The following DAG1 variants were observed in gnomAD, a reference collection of about 807,000 sequenced individuals.
DAG1 encodes dystroglycan 1.
In DAG1, 8 loss-of-function variants were observed where a neutral mutation model predicts 46.1. The ratio of observed to expected loss-of-function variants is 0.17; its 90% CI spans 0.10 to 0.31. DAG1 has a LOEUF of 0.31. DAG1 is among the 10% of genes least tolerant of loss of function. The probability of loss-of-function intolerance (pLI) is 1.00; values close to 1 mark genes in which losing one functional copy is unlikely to be tolerated. For synonymous variants in DAG1, 495 were observed against 481.8 expected (o/e 1.03, Z -0.36); for missense variants, 1,003 against 1,189.9 (o/e 0.84, Z 2.31).
chr3:49,525,701 GGC>G (rs2051151677), intron 2 of DAG1, among the ~76,000 whole-genome samples: 1 of 151,904 alleles, frequency 6.6e-6, no homozygotes, highest in Middle Eastern at 3.2e-3. Flanking sequence ...TGGGACTACA[GGC>G]GCCCGCCACC....
intron 2 of DAG1, among the ~76,000 whole-genome samples, chr3:49,512,448 A>T (rs951857539): frequency 6.6e-6 from 1 of 151,532 alleles, no homozygotes; most frequent in African/African-American, 2.4e-5. Context: ...CTGGAATGCA[A>T]TGACACAATC....
rs1462563388 is a variant in DAG1 at position 49,533,041 on chromosome 3, C to G, written c.2530C>G (p.Gln844Glu). 1 of 1,614,180 alleles carries G rather than the reference C, an allele frequency of 6.2e-7. No homozygotes were observed. The highest frequency in any genetic ancestry group is 1.7e-5 in the Admixed American group (1 of 60,028). The change falls in exon 3 of 3, where the codon CAG becomes GAG. Residue 844 changes from glutamine to glutamate, a missense_variant. Coordinates refer to ENST00000308775, the MANE Select transcript of DAG1 (RefSeq NM_004393.6). ...TGTGCCCGAGACCACTCCTCTGAAC[C>G]AGGACACCATGGGAGAGTACACGCC... ...QSVPETTPLN[Q>E]DTMGEYTPLR...
intron 2 of DAG1, among the ~76,000 whole-genome samples, chr3:49,525,813 C>T (rs1318438281): frequency 6.6e-6 from 1 of 151,710 alleles, no homozygotes; most frequent in African/African-American, 2.4e-5. Flanking sequence ...CTGCCTCAGC[C>T]TCCCAAAGTG....
rs371179459 is a variant in DAG1 at position 49,522,071 on chromosome 3, C to G, written c.286-8726C>G. Among the ~76,000 whole-genome samples, 170 of 151,994 alleles carry G rather than the reference C, an allele frequency of 1.1e-3. 7 individuals carry two copies. In the South Asian group the frequency reaches 0.035, roughly 31 times the overall value. On this transcript the variant is annotated intron_variant, in intron 2 of 2. Transcript: ENST00000308775. ...TGAGACAAAGTCTCACTCTTGTCCC[C>G]CAGGCTGGAGTGCAATGGTGTGATC...
chr3:49,480,282 T>G (rs2049838361), intron 1 of DAG1, among the ~76,000 whole-genome samples: 1 of 143,020 alleles, frequency 7.0e-6, no homozygotes, highest in East Asian at 2.0e-4. Context: ...TTTTTTTTTT[T>G]TTTTTGGGAG....
Position 49,533,075 on chromosome 3 carries a change from A to G in DAG1, c.2564A>G (p.Asp855Gly). Residue 855 changes from aspartate (D) to glycine (G), a missense_variant, in exon 3 of 3, where the codon GAT becomes GGT. This residue lies in a region of DAG1 where 755 missense variants were observed against 854.1 expected (regional missense o/e 0.88). Coordinates refer to ENST00000308775, the MANE Select transcript of DAG1 (RefSeq NM_004393.6). Reference sequence around the variant, plus strand: ...ATGGGAGAGTACACGCCCCTGCGGGATGAGGATCCCAATGCGCCTCCCTAC... The same window carrying G: ...ATGGGAGAGTACACGCCCCTGCGGGGTGAGGATCCCAATGCGCCTCCCTAC... ...DTMGEYTPLRDEDPNAPPYQP... is the reference protein window; with the variant it reads ...DTMGEYTPLRGEDPNAPPYQP... 1 of 1,614,028 alleles carries G rather than the reference A, an allele frequency of 6.2e-7. No individual in the cohort carries two copies. The highest frequency in any genetic ancestry group is 8.5e-7 in the Non-Finnish European group (1 of 1,179,974).
chr3:49,528,275 ATT>A lies in DAG1; in HGVS notation c.286-2496_286-2495del, dbSNP rs147292984. Among the ~76,000 whole-genome samples, 249 of 66,612 alleles carry A rather than the reference ATT, an allele frequency of 3.7e-3. 3 individuals are homozygous for A. The highest frequency in any genetic ancestry group is 0.015 in the African/African-American group (221 of 14,506). The allele number at this position is 66,612 out of a possible 152,430, so 43.7% of individuals were successfully genotyped here. ...CAGCCAAAACATTTGAAATAGTGTG[ATT>A]TTTTTTTTTTTTTTTTTTTTTTTTT... On this transcript the variant is annotated intron_variant, in intron 2 of 2. Coordinates refer to ENST00000308775, the MANE Select transcript of DAG1 (RefSeq NM_004393.6).
At chr3:49,528,275 A>ATTTTGTTTTTTTTTTTTTTT (rs2051239613) in intron 2 of DAG1, among the ~76,000 whole-genome samples, 1 of 66,660 alleles carries the variant, frequency 1.5e-5, no homozygotes, top group African/African-American at 6.9e-5. Flanking sequence ...AAATAGTGTG[A>ATTTTGTTTTTTTTTTTTTTT]TTTTTTTTTT....
intron 1 of DAG1, among the ~76,000 whole-genome samples, chr3:49,500,865 T>G (rs1391285162): frequency 6.6e-6 from 1 of 152,122 alleles, no homozygotes; most frequent in Non-Finnish European, 1.5e-5. Flanking sequence ...AGGAGGAGGA[T>G]CTCTGTAGCG....
intron 2 of DAG1, among the ~76,000 whole-genome samples, chr3:49,521,849 G>T (rs1410237850): frequency 6.6e-6 from 1 of 150,854 alleles, no homozygotes; most frequent in African/African-American, 2.4e-5. Context: ...CACAGTTTTA[G>T]ACCTTTGTTT....
intron 2 of DAG1, among the ~76,000 whole-genome samples, chr3:49,529,302 C>T (rs1412161584): frequency 1.3e-5 from 2 of 152,174 alleles, no homozygotes; most frequent in Non-Finnish European, 2.9e-5. Context: ...TCCCAAAGTA[C>T]TGGGATTATA....
At chr3:49,496,325 G>A (rs987227393) in intron 1 of DAG1, among the ~76,000 whole-genome samples, 3 of 148,190 alleles carry the variant, frequency 2.0e-5, no homozygotes, top group Non-Finnish European at 3.0e-5. Context: ...CCATGCCTAC[G>A]TACTTGGCCA....
chr3:49,530,782 T>C lies in DAG1; in HGVS notation c.286-15T>C, dbSNP rs763082438. The C allele has an allele frequency of 5.6e-6, 9 of 1,614,226 alleles. No homozygotes were observed. In the Admixed American group the frequency reaches 1.5e-4, roughly 27 times the overall value. The stretch of plus-strand genomic sequence containing the variant: ...TGACAATAGTATTTTTAATTTATGC[T>C]TGTGTCTCTTCTAGGTATCAGCGGC... On this transcript the variant is annotated splice_polypyrimidine_tract_variant and intron_variant, in intron 2 of 2. Coordinates refer to ENST00000308775, the MANE Select transcript of DAG1 (RefSeq NM_004393.6).
chr3:49,502,163 A>C (rs974032324), intron 1 of DAG1, among the ~76,000 whole-genome samples: 5 of 152,212 alleles, frequency 3.3e-5, no homozygotes, highest in Non-Finnish European at 7.3e-5. Flanking sequence ...AAACCAAAAC[A>C]AAAACTACAC....
intron 1 of DAG1, among the ~76,000 whole-genome samples, chr3:49,477,224 C>T (rs918665028): frequency 3.3e-5 from 5 of 152,006 alleles, no homozygotes; most frequent in African/African-American, 4.8e-5. Context: ...CTCGAACTCC[C>T]GACGTCAGGT....
At position 49,478,777 on chromosome 3, in the gene DAG1, T is replaced by C. The variant is rs149379503; in HGVS notation, c.-117+8344T>C. Reference sequence around the variant, plus strand: ...GACCCTGGCTCAAAAAATAAAAAAATGAAAAGTCTCTTGTCGTCCCCTCCC... The same window carrying C: ...GACCCTGGCTCAAAAAATAAAAAAACGAAAAGTCTCTTGTCGTCCCCTCCC... On this transcript the variant is annotated intron_variant, in intron 1 of 2. Coordinates refer to ENST00000308775, the MANE Select transcript of DAG1 (RefSeq NM_004393.6). Among the ~76,000 whole-genome samples the C allele has an allele frequency of 2.3e-3, 322 of 141,250 alleles. 6 individuals are homozygous for C. The East Asian group carries it at 0.045, about 20-fold the overall frequency. The allele number at this position is 141,250 out of a possible 152,430, so 92.7% of individuals were successfully genotyped here.
chr3:49,499,883 A>C (rs2050400253), intron 1 of DAG1, among the ~76,000 whole-genome samples: 1 of 152,164 alleles, frequency 6.6e-6, no homozygotes, highest in Non-Finnish European at 1.5e-5. Context: ...TAAACTTTAA[A>C]TATACCTGCC....
chr3:49,506,681 C>A (rs2050614721), intron 1 of DAG1, among the ~76,000 whole-genome samples: 2 of 152,088 alleles, frequency 1.3e-5, no homozygotes, highest in South Asian at 2.1e-4. Flanking sequence ...GTATATATTT[C>A]TTTTAATATA....
At chr3:49,475,034 G>T (rs1321576109) in intron 1 of DAG1, among the ~76,000 whole-genome samples, 2 of 150,722 alleles carry the variant, frequency 1.3e-5, no homozygotes, top group Non-Finnish European at 1.5e-5. Flanking sequence ...GGATGGTCTC[G>T]ATCTACTGAC....
Sources: allele counts gnomAD v4.1 joint callset (sites outside exome capture counted in the v4.1 genomes callset), GRCh38; gene constraint gnomAD v4.1.1; regional missense constraint gnomAD v4.1.1; transcripts MANE v1.5; gene names NCBI Gene and HGNC (gene_info 2026-07-23, HGNC 2026-07-21).